ANO1: variants seen among roughly 807,000 people sequenced by gnomAD.
ANO1 encodes the protein anoctamin 1.
A neutral mutation model predicts 124.0 loss-of-function variants in ANO1; 59 were observed. That is an observed-to-expected ratio of 0.48 (90% CI 0.39 to 0.59). ANO1 has a LOEUF of 0.59. ANO1 is among the 20% of genes least tolerant of loss of function. ANO1 has a pLI of 0.00. For synonymous variants in ANO1, 529 were observed against 532.0 expected (o/e 0.99, Z 0.08); for missense variants, 1,059 against 1,328.0 (o/e 0.80, Z 3.15).
intron 2 of ANO1, among the ~76,000 whole-genome samples, chr11:70,100,541 G>A (rs2045225332): frequency 6.6e-6 from 1 of 152,176 alleles, no homozygotes; most frequent in Non-Finnish European, 1.5e-5. Context: ...GCCTTCGGAG[G>A]GAGCATGGCC....
At chr11:69,966,120 A>T in the ANO1 span, among the ~76,000 whole-genome samples, 9,337 of 152,294 alleles carry the variant, frequency 0.061, 389 homozygotes, top group East Asian at 0.14. Flanking sequence ...GGAGGCACTC[A>T]GGGTGGCCCC....
At chr11:70,171,278 G>T (rs1430117223) in intron 22 of ANO1, among the ~76,000 whole-genome samples, 1 of 152,192 alleles carries the variant, frequency 6.6e-6, no homozygotes, top group Non-Finnish European at 1.5e-5. Context: ...TTTGGAAAGA[G>T]TGGGTCCCAG....
In ANO1 at chr11:70,163,199, G is replaced by A. The variant is rs903062518; in HGVS notation, c.1893-84G>A. 2.5e-5 allele frequency: 36 copies of A among 1,452,760 alleles called. No individual in the cohort carries two copies. The East Asian group carries it at 6.4e-4, about 26-fold the overall frequency. 90.0% of individuals were successfully genotyped at this position (1,452,760 alleles called of 1,614,324 possible). On this transcript the variant is annotated intron_variant, in intron 18 of 25. Transcript: ENST00000355303. The stretch of plus-strand genomic sequence containing the variant: ...GAGGCTCAGCCTGCAGGACTCACAC[G>A]CTGCACAGTCCCCACTTGGGGGTCT...
intron 7 of ANO1, 142 bp from the exon 8 acceptor site, chr11:70,116,314 ACT>A: frequency 4.4e-6 from 4 of 903,738 alleles, no homozygotes; most frequent in Non-Finnish European, 6.8e-6. Flanking sequence ...CAACCCTCAC[ACT>A]CTGTGTGAAA....
intron 1 of ANO1, among the ~76,000 whole-genome samples, chr11:70,048,106 A>G (rs1489608104): frequency 6.6e-6 from 1 of 152,218 alleles, no homozygotes; most frequent in Non-Finnish European, 1.5e-5. Context: ...ATGAGATATT[A>G]TTTTTGTCTT....
chr11:70,123,830 T>C (rs898664856), intron 8 of ANO1, among the ~76,000 whole-genome samples: 1 of 152,212 alleles, frequency 6.6e-6, no homozygotes, highest in Non-Finnish European at 1.5e-5. Context: ...ACCCTTTACA[T>C]GTTCACACAA....
At chr11:69,980,910 G>A (rs1414307484), upstream of ANO1, among the ~76,000 whole-genome samples, 5 of 152,042 alleles carry the variant, frequency 3.3e-5, no homozygotes, top group Non-Finnish European at 7.4e-5. Context: ...AAATTAGCTG[G>A]GTGTGGTGGC....
At position 70,060,613 on chromosome 11, in the gene ANO1, G is replaced by A. The variant is rs552007783; in HGVS notation, c.59-17929G>A. On this transcript the variant is annotated intron_variant, in intron 1 of 27. Coordinates refer to the ANO1 transcript ENST00000531349. ...AGACAATAAATGTGAAAGGTGTGAGGAGGATATTAATGCTTGAAGGTTGTG... is the reference window on the plus strand; with the variant it reads ...AGACAATAAATGTGAAAGGTGTGAGAAGGATATTAATGCTTGAAGGTTGTG... Among the ~76,000 whole-genome samples, 32 of 152,334 alleles carry A rather than the reference G, an allele frequency of 2.1e-4. No individual in the cohort carries two copies. The South Asian group carries it at 6.4e-3, about 31-fold the overall frequency.
At chr11:70,168,732 C>A (rs1033363056) in intron 21 of ANO1, among the ~76,000 whole-genome samples, 1 of 152,114 alleles carries the variant, frequency 6.6e-6, no homozygotes, top group African/African-American at 2.4e-5. Flanking sequence ...TGAGACCTGG[C>A]AGGCTGCATT....
rs143738518 is a variant in ANO1 at position 70,106,739 on chromosome 11, G to T, written c.747+951G>T. On this transcript the variant is annotated intron_variant, in intron 5 of 25. Coordinates refer to ENST00000355303, the MANE Select transcript of ANO1 (RefSeq NM_018043.7). ...GTCATCAAAATCCAACAGCCTGCAGGGTTGGCTGAGGTTCTAGGCAAAGCC... is the reference window on the plus strand; with the variant it reads ...GTCATCAAAATCCAACAGCCTGCAGTGTTGGCTGAGGTTCTAGGCAAAGCC... Among the ~76,000 whole-genome samples the T allele has an allele frequency of 3.3e-5, 5 of 152,328 alleles. No individual in the cohort carries two copies. In the East Asian group the frequency reaches 9.6e-4, roughly 29 times the overall value.
At chr11:70,170,738 A>G (rs974293943) in intron 21 of ANO1, 149 bp from the exon 22 acceptor site, 9 of 933,112 alleles carry the variant, frequency 9.6e-6, no homozygotes, top group Non-Finnish European at 1.4e-5. Context: ...GAGCTCATCT[A>G]ATGCATCTGC....
At chr11:69,997,355 A>G (rs887001602) in intron 1 of ANO1, among the ~76,000 whole-genome samples, 5 of 152,060 alleles carry the variant, frequency 3.3e-5, no homozygotes, top group Non-Finnish European at 5.9e-5. Flanking sequence ...ATTGCTTATA[A>G]ATTACATCAG....
chr11:70,109,170 A>G (rs971536635), intron 6 of ANO1, among the ~76,000 whole-genome samples: 1 of 152,208 alleles, frequency 6.6e-6, no homozygotes, highest in East Asian at 1.9e-4. Flanking sequence ...GGATGAGGCC[A>G]TGGCTCCCGG....
At chr11:70,004,110 C>T (rs1013249370) in intron 1 of ANO1, among the ~76,000 whole-genome samples, 21 of 152,172 alleles carry the variant, frequency 1.4e-4, no homozygotes, top group African/African-American at 5.1e-4. Flanking sequence ...CCTTCAGCGG[C>T]CCCCAAAGCC....
chr11:70,016,757 G>T (rs975689319), intron 1 of ANO1, among the ~76,000 whole-genome samples: 3 of 152,202 alleles, frequency 2.0e-5, no homozygotes, highest in Admixed American at 6.5e-5. Flanking sequence ...GTAGGGCTGT[G>T]GGGCTCACCC....
chr11:70,020,543 C>T (rs1856783692), intron 1 of ANO1, among the ~76,000 whole-genome samples: 1 of 152,198 alleles, frequency 6.6e-6, no homozygotes, highest in Non-Finnish European at 1.5e-5. Context: ...TCTTCCTTCC[C>T]AGCTCAGTGG....
intron 21 of ANO1, 148 bp downstream of exon 21, chr11:70,167,535 A>T (rs2048303281): frequency 8.2e-7 from 1 of 1,217,216 alleles, no homozygotes. Context: ...GAGAAGAGAG[A>T]TGCAGACCCT....
chr11:70,038,000 G>C (rs1417306222), intron 1 of ANO1, among the ~76,000 whole-genome samples: 1 of 152,186 alleles, frequency 6.6e-6, no homozygotes, highest in Non-Finnish European at 1.5e-5. Flanking sequence ...AAACGTGACT[G>C]TCGTGGCCAG....
In ANO1 at chr11:70,188,260, C is replaced by A; in HGVS notation, c.*256C>A. 3.7e-6 allele frequency: 2 copies of A among 540,644 alleles called. No homozygotes were observed. Among genetic ancestry groups the A allele is most frequent in the East Asian group, 3.1e-5 (1 of 31,998 alleles). 33.5% of individuals were successfully genotyped at this position (540,644 alleles called of 1,614,324 possible). A position where few individuals can be genotyped will look rare whatever the true frequency, so the allele number is the denominator to read the frequency against. ...TGAATCAAAATGATGGCTGGTAATACGGCAATAAGGTAGCAAAGGCAGGTG... is the reference window on the plus strand; with the variant it reads ...TGAATCAAAATGATGGCTGGTAATAAGGCAATAAGGTAGCAAAGGCAGGTG... On this transcript the variant is annotated 3_prime_UTR_variant, in exon 26 of 26. Transcript: ENST00000355303.
Sources: gnomAD v4.1 joint callset for allele counts (sites outside exome capture counted in the v4.1 genomes callset) on GRCh38, gnomAD v4.1.1 for gene constraint, MANE v1.5 for transcripts, NCBI Gene and HGNC (gene_info 2026-07-23, HGNC 2026-07-21) for gene names.